Variants in TMEM117 observed in about 807,000 individuals in gnomAD.
The protein encoded by TMEM117 is transmembrane protein 117.
A neutral mutation model predicts 52.4 loss-of-function variants in TMEM117; 27 were observed. The observed-to-expected ratio is 0.51, with a 90% CI of 0.38 to 0.71. The LOEUF (loss-of-function observed/expected upper bound fraction) is 0.71, where lower values mean the gene tolerates loss of function less well. TMEM117 is among the 30% of genes least tolerant of loss of function. The probability of loss-of-function intolerance (pLI) is 0.00; values close to 1 mark genes in which losing one functional copy is unlikely to be tolerated. For synonymous variants in TMEM117, 215 were observed against 206.3 expected (o/e 1.04, Z -0.36); for missense variants, 556 against 630.5 (o/e 0.88, Z 1.26).
chr12:44,300,773 G>A (rs1431240194), intron 6 of TMEM117, among the ~76,000 whole-genome samples: 7 of 151,912 alleles, frequency 4.6e-5, no homozygotes, highest in Non-Finnish European at 4.4e-5. Flanking sequence ...GAGGTAAAAC[G>A]GAATATTTTT....
chr12:44,229,817 G>T (rs1949910362), intron 5 of TMEM117, among the ~76,000 whole-genome samples: 2 of 152,102 alleles, frequency 1.3e-5, no homozygotes, highest in Non-Finnish European at 2.9e-5. Context: ...TAGATTACAT[G>T]CATGGGCTTT....
chr12:44,379,380 G>A (rs918552624), intron 7 of TMEM117, among the ~76,000 whole-genome samples: 4 of 152,008 alleles, frequency 2.6e-5, no homozygotes, highest in Non-Finnish European at 4.4e-5. Context: ...AATAGGGTAG[G>A]TGAGGACTTT....
Position 43,914,189 on chromosome 12 carries a change from G to A in TMEM117, c.278-30021G>A, listed in dbSNP as rs187292572. 8.6e-3 allele frequency among the ~76,000 whole-genome samples: 1,304 copies of A among 152,156 alleles called. 9 individuals are homozygous for A. Among genetic ancestry groups the A allele is most frequent in the Non-Finnish European group, 0.014 (977 of 67,992 alleles). On this transcript the variant is annotated intron_variant, in intron 2 of 7. Coordinates refer to ENST00000266534, the MANE Select transcript of TMEM117 (RefSeq NM_032256.3). ...GGGGACATGCAGCAGCTTCGGGAGG[G>A]GATGTGCTTGAAGGCTTGGTACTAG...
the TMEM117 span, among the ~76,000 whole-genome samples, chr12:43,806,704 C>T: frequency 6.6e-6 from 1 of 152,216 alleles, no homozygotes; most frequent in East Asian, 1.9e-4. Flanking sequence ...TTGGTTTACT[C>T]TTCCTATAAT....
At chr12:44,185,901 C>G (rs1466117745) in intron 4 of TMEM117, among the ~76,000 whole-genome samples, 1 of 151,012 alleles carries the variant, frequency 6.6e-6, no homozygotes, top group African/African-American at 2.5e-5. Context: ...CACACACACA[C>G]ACACACACAC....
At chr12:44,240,666 A>G (rs1950050497) in intron 5 of TMEM117, among the ~76,000 whole-genome samples, 1 of 152,022 alleles carries the variant, frequency 6.6e-6, no homozygotes, top group Non-Finnish European at 1.5e-5. Context: ...TAAATATGGG[A>G]GTATATCATA....
At chr12:44,296,434 A>C (rs764011103) in intron 5 of TMEM117, among the ~76,000 whole-genome samples, 6 of 152,168 alleles carry the variant, frequency 3.9e-5, no homozygotes, top group Non-Finnish European at 8.8e-5. Flanking sequence ...TTGATTGGGC[A>C]AGACTGCCCC....
chr12:43,870,246 T>C (rs1415249930), intron 2 of TMEM117, among the ~76,000 whole-genome samples: 2 of 151,840 alleles, frequency 1.3e-5, no homozygotes, highest in Non-Finnish European at 2.9e-5. Flanking sequence ...AGTGCTGCAG[T>C]GTGCATGTGT....
chr12:44,007,211 C>T (rs1946212168), intron 3 of TMEM117, among the ~76,000 whole-genome samples: 1 of 152,096 alleles, frequency 6.6e-6, no homozygotes, highest in African/African-American at 2.4e-5. Flanking sequence ...TATGTTTTTG[C>T]TCTTATTTTG....
chr12:44,399,014 C>T, the TMEM117 span, among the ~76,000 whole-genome samples: 2 of 151,984 alleles, frequency 1.3e-5, no homozygotes, highest in African/African-American at 4.8e-5. Context: ...TTAATTATTC[C>T]ACATTTGTAT....
At chr12:44,020,267 G>T (rs1319704722) in intron 3 of TMEM117, among the ~76,000 whole-genome samples, 1 of 152,104 alleles carries the variant, frequency 6.6e-6, no homozygotes, top group Non-Finnish European at 1.5e-5. Flanking sequence ...GTTATTTTAT[G>T]TCTTTTTTAC....
chr12:43,863,573 G>A (rs1943527907), intron 2 of TMEM117, among the ~76,000 whole-genome samples: 1 of 152,214 alleles, frequency 6.6e-6, no homozygotes, highest in Non-Finnish European at 1.5e-5. Flanking sequence ...GAAAGTAATA[G>A]AGCAAATCTT....
intron 5 of TMEM117, among the ~76,000 whole-genome samples, chr12:44,214,374 G>T (rs1949689164): frequency 1.3e-5 from 2 of 151,752 alleles, no homozygotes; most frequent in Admixed American, 1.3e-4. Context: ...TGCCATGTTG[G>T]CCAGGCTGGT....
chr12:43,938,151 G>A, intron 2 of TMEM117, among the ~76,000 whole-genome samples: 1 of 151,566 alleles, frequency 6.6e-6, no homozygotes, highest in East Asian at 1.9e-4. Flanking sequence ...GTGAGGGCTG[G>A]GGTATGCAGG....
At chr12:44,080,876 G>A (rs1947471129) in intron 3 of TMEM117, among the ~76,000 whole-genome samples, 1 of 152,172 alleles carries the variant, frequency 6.6e-6, no homozygotes, top group Non-Finnish European at 1.5e-5. Flanking sequence ...TTGTAACAGA[G>A]ACTATCTCAC....
chr12:44,033,464 G>A (rs186082311), intron 3 of TMEM117, among the ~76,000 whole-genome samples: 10 of 152,204 alleles, frequency 6.6e-5, no homozygotes, highest in Admixed American at 1.3e-4. Flanking sequence ...TTCCTATAAC[G>A]ATTTTATAAT....
At chr12:43,835,271 A>G (rs1943008789), upstream of TMEM117, among the ~76,000 whole-genome samples, 2 of 152,210 alleles carry the variant, frequency 1.3e-5, no homozygotes, top group African/African-American at 2.4e-5. Context: ...TTCCTGCCCT[A>G]TGCCGCAGAG....
At chr12:44,341,956 C>A (rs144207473) in intron 6 of TMEM117, among the ~76,000 whole-genome samples, 1 of 151,954 alleles carries the variant, frequency 6.6e-6, no homozygotes, top group African/African-American at 2.4e-5. Context: ...CAGAGCTAAG[C>A]GTATTGTCAG....
At chr12:43,860,886 C>T (rs1362198316) in intron 2 of TMEM117, among the ~76,000 whole-genome samples, 1 of 152,068 alleles carries the variant, frequency 6.6e-6, no homozygotes, top group African/African-American at 2.4e-5. Flanking sequence ...TAGTGACGCC[C>T]TTGAGCTCAT....
Sources: gnomAD v4.1 joint callset for allele counts (sites outside exome capture counted in the v4.1 genomes callset) on GRCh38, gnomAD v4.1.1 for gene constraint, MANE v1.5 for transcripts, NCBI Gene and HGNC (gene_info 2026-07-23, HGNC 2026-07-21) for gene names.